Variants in ZNF544 observed in about 807,000 individuals in gnomAD.
ZNF544 encodes zinc finger protein 544.
A neutral mutation model predicts 13.5 loss-of-function variants in ZNF544; 10 were observed. That is an observed-to-expected ratio of 0.74 (90% confidence interval 0.46 to 1.25). The LOEUF (loss-of-function observed/expected upper bound fraction) is 1.25, where lower values mean the gene tolerates loss of function less well. Among genes scored for constraint, ZNF544 ranks in the 50% most tolerant of loss-of-function variants. The pLI, the probability that ZNF544 is intolerant of heterozygous loss-of-function variation, is 0.00. For missense variants in ZNF544, 896 were observed against 845.6 expected (o/e 1.06, Z -0.74); for synonymous variants, 323 against 300.5 (o/e 1.07, Z -0.77).
downstream of ZNF544, among the ~76,000 whole-genome samples, chr19:58,266,057 T>A (rs2049830825): frequency 6.6e-6 from 1 of 151,546 alleles, no homozygotes; most frequent in Admixed American, 6.6e-5. Flanking sequence ...GTACAAAAAA[T>A]TAGCCAGGTG....
intron 6 of ZNF544, among the ~76,000 whole-genome samples, chr19:58,250,601 G>C (rs942262997): frequency 3.3e-5 from 5 of 152,294 alleles, no homozygotes; most frequent in South Asian, 2.1e-4. Context: ...GACTTTTCAA[G>C]GTTCCCAGGG....
At chr19:58,254,174 A>G (rs1408702715) in intron 6 of ZNF544, among the ~76,000 whole-genome samples, 1 of 152,008 alleles carries the variant, frequency 6.6e-6, no homozygotes, top group East Asian at 1.9e-4. Context: ...CAGTAAGCTG[A>G]TATCACGACA....
At chr19:58,277,450 C>G in exon 7 of ZNF544, 2 of 399,726 alleles carry the variant, frequency 5.0e-6, no homozygotes, top group Non-Finnish European at 8.7e-6. Context: ...CTATACTGTT[C>G]CCTGCTATGT....
Position 58,261,567 on chromosome 19 carries a change from C to T in ZNF544, c.961C>T (p.Pro321Ser), listed in dbSNP as rs1219636553. The stretch of plus-strand genomic sequence containing the variant: ...CCTTGTACAAACAGAAAGAAGTGGC[C>T]CTGGAGAGACCCCCTTCAGATGTGA... The part of the protein sequence containing the change: ...LCLVQTERSG[P>S]GETPFRCEER... The change falls in exon 7 of 7, where the codon CCT becomes TCT. Residue 321 changes from proline (P) to serine (S), a missense_variant. Transcript: ENST00000687789. The T allele has an allele frequency of 8.1e-6, 13 of 1,614,092 alleles. No homozygotes were observed. The highest frequency in any genetic ancestry group is 9.3e-6 in the Non-Finnish European group (11 of 1,180,026).
chr19:58,230,290 T>C (rs910667153), intron 2 of ZNF544, 104 bp from the exon 3 acceptor site: 2 of 152,234 alleles, frequency 1.3e-5, no homozygotes, highest in African/African-American at 4.8e-5. Context: ...TATGAATACA[T>C]GTGTTGTGCC....
In ZNF544 at chr19:58,262,590, T is replaced by G. The variant is rs1015124524; in HGVS notation, c.1984T>G (p.Cys662Gly). 5.0e-6 allele frequency: 8 copies of G among 1,614,042 alleles called. No homozygotes were observed. The African/African-American group carries it at 1.1e-4, about 22-fold the overall frequency. The change falls in exon 7 of 7, where the codon TGT becomes GGT. Residue 662 changes from cysteine to glycine, a missense_variant. Coordinates refer to ENST00000687789, the MANE Select transcript of ZNF544 (RefSeq NM_014480.4). ...RTHTGEKPFE[C>G]SQCGKAFSGS... ...TCACACTGGTGAGAAACCTTTTGAG[T>G]GTAGTCAGTGTGGGAAAGCCTTTTC...
At chr19:58,246,253 G>A (rs1454366766) in intron 4 of ZNF544, 48 bp from the exon 5 acceptor site, 1 of 1,612,502 alleles carries the variant, frequency 6.2e-7, no homozygotes, top group Non-Finnish European at 8.5e-7. Flanking sequence ...CCTCCGTGAG[G>A]GCATGAGGAC....
At chr19:58,238,514 T>C (rs1006285789) in intron 3 of ZNF544, among the ~76,000 whole-genome samples, 3 of 152,004 alleles carry the variant, frequency 2.0e-5, no homozygotes, top group Admixed American at 2.0e-4. Flanking sequence ...TGGCTGAATG[T>C]GAGGAGAGCA....
intron 3 of ZNF544, among the ~76,000 whole-genome samples, chr19:58,235,572 CTT>C (rs1201202512): frequency 6.6e-6 from 1 of 152,148 alleles, no homozygotes; most frequent in Non-Finnish European, 1.5e-5. Flanking sequence ...TTAATAATCT[CTT>C]ATATGCTTGA....
In ZNF544 at chr19:58,262,832, G is replaced by A; in HGVS notation, c.*78G>A. 6.6e-7 allele frequency: 1 copy of A among 1,524,622 alleles called. No homozygotes were observed. Among genetic ancestry groups the A allele is most frequent in the Non-Finnish European group, 8.8e-7 (1 of 1,138,452 alleles). The allele number at this position is 1,524,622 out of a possible 1,614,324, so 94.4% of individuals were successfully genotyped here. A position where few individuals can be genotyped will look rare whatever the true frequency, so the allele number is the denominator to read the frequency against. On this transcript the variant is annotated 3_prime_UTR_variant, in exon 7 of 7. Transcript: ENST00000687789. ...ACCAGAGGACGCATGTCGGTGGGAA[G>A]AGCTATCAGTGTGACGTGTATTAAG...
downstream of ZNF544, among the ~76,000 whole-genome samples, chr19:58,266,227 AAAAAAAAAG>A (rs2049864852): frequency 6.7e-6 from 1 of 149,174 alleles, no homozygotes; most frequent in Non-Finnish European, 1.5e-5. Flanking sequence ...AAAAAAAAAA[AAAAAAAAAG>A]GGCTGTGTGC....
rs1205964547 is a variant in ZNF544 at position 58,263,504 on chromosome 19, A to C, written c.*750A>C. ...GAAATTTCCCTGCCAGACCTTGTTT[A>C]CTAGAAATCAGGTGGCCAAAACATG... On this transcript the variant is annotated 3_prime_UTR_variant, in exon 7 of 7. Transcript: ENST00000687789. The C allele has an allele frequency of 1.0e-6, 1 of 985,340 alleles. No homozygotes were observed. Among genetic ancestry groups the C allele is most frequent in the East Asian group, 1.1e-4 (1 of 8,826 alleles). 61.0% of individuals were successfully genotyped at this position (985,340 alleles called of 1,614,324 possible). A position where few individuals can be genotyped will look rare whatever the true frequency, so the allele number is the denominator to read the frequency against.
chr19:58,249,149 G>A (rs2045891824), intron 6 of ZNF544, among the ~76,000 whole-genome samples: 1 of 152,156 alleles, frequency 6.6e-6, no homozygotes, highest in Non-Finnish European at 1.5e-5. Flanking sequence ...TTTTGATTCA[G>A]TTCCAGGAAG....
Position 58,262,288 on chromosome 19 carries a change from C to G in ZNF544, c.1682C>G (p.Ser561Cys), listed in dbSNP as rs1396971913. The G allele has an allele frequency of 1.2e-6, 2 of 1,613,956 alleles. No individual in the cohort carries two copies. Among genetic ancestry groups the G allele is most frequent in the South Asian group, 2.2e-5 (2 of 91,072 alleles). ...IECGKSFRWNSNLVIHQRIHT... is the reference protein window; with the variant it reads ...IECGKSFRWNCNLVIHQRIHT... The stretch of plus-strand genomic sequence containing the variant: ...TGTGGGAAATCCTTCAGATGGAACT[C>G]TAACCTCGTCATACATCAGAGAATT... The change falls in exon 7 of 7, where the codon TCT becomes TGT. Residue 561 changes from serine to cysteine, a missense_variant. Transcript: ENST00000687789.
chr19:58,262,388 TAAAA>T lies in ZNF544; in HGVS notation c.1783_1786del (p.Lys595GlufsTer53), dbSNP rs1469495355. On this transcript the variant is annotated frameshift_variant, in exon 7 of 7. Coordinates refer to ENST00000687789, the MANE Select transcript of ZNF544 (RefSeq NM_014480.4). LOFTEE classifies it low-confidence loss of function (END_TRUNC). Reference sequence around the variant, plus strand: ...GCCAAAGCTATCAGTTAGTTGCACATAAAAGAACTCACACTGGAGAAAAGCCCTA... The same window carrying T: ...GCCAAAGCTATCAGTTAGTTGCACATGAACTCACACTGGAGAAAAGCCCTA... 1.9e-6 allele frequency: 3 copies of T among 1,613,974 alleles called. No homozygotes were observed. In the Admixed American group the frequency reaches 5.0e-5, roughly 27 times the overall value.
chr19:58,241,687 C>G (rs2043908228), intron 3 of ZNF544, among the ~76,000 whole-genome samples: 1 of 151,856 alleles, frequency 6.6e-6, no homozygotes, highest in Admixed American at 6.6e-5. Flanking sequence ...TTAGTAGAGA[C>G]AGGGTTTCAC....
chr19:58,277,102 G>A, intron 6 of ZNF544: 13 of 1,057,462 alleles, frequency 1.2e-5, no homozygotes, highest in Non-Finnish European at 1.6e-5. Flanking sequence ...CTGGTCTCAT[G>A]AGGCCTAGAG....
intron 5 of ZNF544, among the ~76,000 whole-genome samples, chr19:58,274,340 T>C (rs1321436132): frequency 6.6e-6 from 1 of 152,156 alleles, no homozygotes; most frequent in Non-Finnish European, 1.5e-5. Flanking sequence ...CCTGGTCCAT[T>C]ATGACTGTTG....
At chr19:58,254,104 G>A (rs2046781518) in intron 6 of ZNF544, among the ~76,000 whole-genome samples, 1 of 152,138 alleles carries the variant, frequency 6.6e-6, no homozygotes, top group South Asian at 2.1e-4. Flanking sequence ...GGCACCTGTA[G>A]TCCCAGCTAC....
Sources: allele counts gnomAD v4.1 joint callset (sites outside exome capture counted in the v4.1 genomes callset), GRCh38; gene constraint gnomAD v4.1.1; transcripts MANE v1.5; gene names NCBI Gene and HGNC (gene_info 2026-07-23, HGNC 2026-07-21).